Variants in CADM4 observed in about 807,000 individuals in gnomAD.
CADM4 encodes cell adhesion molecule 4.
In CADM4, 13 loss-of-function variants were observed where a neutral mutation model predicts 43.9. The observed-to-expected ratio is 0.30, with a 90% CI of 0.19 to 0.47. The LOEUF is 0.47. Among genes scored for constraint, CADM4 ranks in the 20% least tolerant of loss-of-function variants. The probability of loss-of-function intolerance (pLI) is 1.00; values close to 1 mark genes in which losing one functional copy is unlikely to be tolerated. For missense variants in CADM4, 420 were observed against 527.0 expected (o/e 0.80, Z 1.99); for synonymous variants, 209 against 220.9 (o/e 0.95, Z 0.48).
At position 43,627,082 on chromosome 19, in the gene CADM4, A is replaced by C. The variant is rs1404385948; in HGVS notation, c.364+84T>G. The C allele has an allele frequency of 6.7e-7, 1 of 1,499,358 alleles. No individual in the cohort carries two copies. Among genetic ancestry groups the C allele is most frequent in the Non-Finnish European group, 8.9e-7 (1 of 1,117,596 alleles). 92.9% of individuals were successfully genotyped at this position (1,499,358 alleles called of 1,614,324 possible). A position where few individuals can be genotyped will look rare whatever the true frequency, so the allele number is the denominator to read the frequency against. ...GATGCCCATCCAGGATGTTAAAAATAGCCATGGTCTGAAAGTCTCAGGAGA... is the reference window on the plus strand; with the variant it reads ...GATGCCCATCCAGGATGTTAAAAATCGCCATGGTCTGAAAGTCTCAGGAGA... On this transcript the variant is annotated intron_variant, in intron 3 of 8. Transcript: ENST00000222374. This position sits in a 1 kb window ranked among gnomAD's most constrained non-coding sequence, Gnocchi z 4.0.
At chr19:43,632,481 T>C (rs929403489) in intron 1 of CADM4, among the ~76,000 whole-genome samples, 3 of 152,142 alleles carry the variant, frequency 2.0e-5, no homozygotes, top group African/African-American at 7.2e-5. Context: ...GCCCGTAACA[T>C]GTAGAATAAA....
chr19:43,631,041 G>T (rs4802188), intron 1 of CADM4, among the ~76,000 whole-genome samples: 3 of 151,962 alleles, frequency 2.0e-5, no homozygotes, highest in South Asian at 2.1e-4. Flanking sequence ...AACCAATCAC[G>T]GTAATCAAAA....
chr19:43,629,210 A>G (rs976965096), intron 1 of CADM4, among the ~76,000 whole-genome samples: 2 of 152,180 alleles, frequency 1.3e-5, no homozygotes, highest in Non-Finnish European at 2.9e-5. Context: ...GAGGACTCCA[A>G]GGAGCCTAGA....
Position 43,627,436 on chromosome 19 carries a change from G to C in CADM4, c.212-118C>G, listed in dbSNP as rs1034540283. On this transcript the variant is annotated intron_variant, in intron 2 of 8. Transcript: ENST00000222374. This position sits in a 1 kb window ranked among gnomAD's most constrained non-coding sequence, Gnocchi z 4.0. Reference sequence around the variant, plus strand: ...CTCTTTTCTCCAGCCATATCTATGAGTCTGAGGTGTCCAACTATTTACTCC... The same window carrying C: ...CTCTTTTCTCCAGCCATATCTATGACTCTGAGGTGTCCAACTATTTACTCC... 30 of 1,302,850 alleles carry C rather than the reference G, an allele frequency of 2.3e-5. No homozygotes were observed. The African/African-American group carries it at 4.2e-4, about 18-fold the overall frequency. The allele number at this position is 1,302,850 out of a possible 1,614,324, so 80.7% of individuals were successfully genotyped here. A position where few individuals can be genotyped will look rare whatever the true frequency, so the allele number is the denominator to read the frequency against.
chr19:43,629,545 T>C (rs1300750949), intron 1 of CADM4, among the ~76,000 whole-genome samples: 1 of 152,200 alleles, frequency 6.6e-6, no homozygotes, highest in Non-Finnish European at 1.5e-5. Flanking sequence ...TGTTAGTCCC[T>C]GTGCTAAGGG....
chr19:43,637,610 C>T (rs1973720305), intron 1 of CADM4, among the ~76,000 whole-genome samples: 1 of 152,136 alleles, frequency 6.6e-6, no homozygotes, highest in Non-Finnish European at 1.5e-5. Context: ...GTTAGGGTGC[C>T]AGGAAGCAGT....
rs1600093926 is a variant in CADM4 at position 43,624,027 on chromosome 19, G to A, written c.1057+87C>T. Reference sequence around the variant, plus strand: ...ATTTGGAATCCAGAGCCTAGGCTCCGCCCTCTCGTTACCCTGGCTCTAGGC... The same window carrying A: ...ATTTGGAATCCAGAGCCTAGGCTCCACCCTCTCGTTACCCTGGCTCTAGGC... On this transcript the variant is annotated intron_variant, in intron 8 of 8. Transcript: ENST00000222374. The A allele has an allele frequency of 2.5e-5, 38 of 1,525,932 alleles. No individual in the cohort carries two copies. The East Asian group carries it at 7.5e-4, about 30-fold the overall frequency. 94.5% of individuals were successfully genotyped at this position (1,525,932 alleles called of 1,614,324 possible).
chr19:43,624,258 G>C lies in CADM4; in HGVS notation c.929-16C>G. The C allele has an allele frequency of 6.2e-7, 1 of 1,614,116 alleles. No individual in the cohort carries two copies. The highest frequency in any genetic ancestry group is 1.1e-5 in the South Asian group (1 of 91,084). ...GCACCAGGGTCTGCCAGAGGGACAC[G>C]GCACAGGACCAGGTCATCAGAGGAC... On this transcript the variant is annotated splice_polypyrimidine_tract_variant and intron_variant, in intron 7 of 8. Coordinates refer to ENST00000222374, the MANE Select transcript of CADM4 (RefSeq NM_145296.2).
chr19:43,624,817 A>C, intron 7 of CADM4: 1 of 506,374 alleles, frequency 2.0e-6, no homozygotes. Flanking sequence ...AGTTCACATA[A>C]TCTTCACAAC....
Position 43,625,910 on chromosome 19 carries a change from C to T in CADM4, c.755+1G>A. On this transcript the variant is annotated splice_donor_variant, in intron 6 of 8. Coordinates refer to ENST00000222374, the MANE Select transcript of CADM4 (RefSeq NM_145296.2). LOFTEE classifies it high-confidence loss of function. This position sits in a 1 kb window ranked among gnomAD's most constrained non-coding sequence, Gnocchi z 4.5. ...GGACGCAGGAGGCCCCCAGAGCTCACCTGGGGTTCCCCGTGACAGCACACG... is the reference window on the plus strand; with the variant it reads ...GGACGCAGGAGGCCCCCAGAGCTCATCTGGGGTTCCCCGTGACAGCACACG... 6.2e-7 allele frequency: 1 copy of T among 1,613,700 alleles called. No individual in the cohort carries two copies. Among genetic ancestry groups the T allele is most frequent in the Non-Finnish European group, 8.5e-7 (1 of 1,179,626 alleles).
chr19:43,641,941 G>A (rs966979275), upstream of CADM4, among the ~76,000 whole-genome samples: 1 of 152,154 alleles, frequency 6.6e-6, no homozygotes, highest in African/African-American at 2.4e-5. Context: ...GGAACCTTGG[G>A]AGATGTTGGT....
chr19:43,641,100 C>T (rs1247630926), upstream of CADM4, among the ~76,000 whole-genome samples: 1 of 152,024 alleles, frequency 6.6e-6, no homozygotes, highest in Non-Finnish European at 1.5e-5. Context: ...TCCCGAGTAG[C>T]TGAGATTACA....
In CADM4 at chr19:43,635,324, C is replaced by T. The variant is rs538495709; in HGVS notation, c.64+4403G>A. Among the ~76,000 whole-genome samples the T allele has an allele frequency of 1.1e-4, 16 of 152,064 alleles. 1 individual carries two copies. The South Asian group carries it at 3.3e-3, about 32-fold the overall frequency. ...CCCTGCGTCCTGACTGAACCCCCCT[C>T]AGCCCCCCATCAATGGCGGAGTCCG... On this transcript the variant is annotated intron_variant, in intron 1 of 8. Coordinates refer to ENST00000222374, the MANE Select transcript of CADM4 (RefSeq NM_145296.2).
rs778813168 is a variant in CADM4, at chr19:43,626,786, T to C, written c.497A>G (p.Lys166Arg). 1 of 1,589,718 alleles carries C rather than the reference T, an allele frequency of 6.3e-7. No individual in the cohort carries two copies. The highest frequency in any genetic ancestry group is 8.6e-7 in the Non-Finnish European group (1 of 1,165,578). ...TGTCAGCACTCGGCCCAGGGTACCT[T>C]TCAGCTCCTTGCGGTCCCGGTACCA... ...LRWYRDRKEL[K>R]GVSSSQENGK... Residue 166 changes from lysine (K) to arginine (R), a missense_variant and splice_region_variant, in exon 4 of 9, where the codon AAA becomes AGA. Physicochemically the swap from Lys to Arg is conservative, Grantham distance 26 (BLOSUM62 2). Transcript: ENST00000222374. The surrounding 1 kb of genome is among the most constrained non-coding windows in gnomAD (Gnocchi z 5.9).
intron 1 of CADM4, among the ~76,000 whole-genome samples, chr19:43,632,672 C>T (rs1196316480): frequency 6.6e-6 from 1 of 152,120 alleles, no homozygotes; most frequent in Non-Finnish European, 1.5e-5. Flanking sequence ...TCCCAAGCCC[C>T]ATCTTCCCAG....
At chr19:43,639,271 T>G (rs772722878) in intron 1 of CADM4, among the ~76,000 whole-genome samples, 1 of 145,374 alleles carries the variant, frequency 6.9e-6, no homozygotes, top group African/African-American at 2.6e-5. Context: ...AAAGACAGAA[T>G]AGATGAGGAA....
At position 43,622,871 on chromosome 19, in the gene CADM4, G is replaced by C. The variant is rs1040460126; in HGVS notation, c.*459C>G. On this transcript the variant is annotated 3_prime_UTR_variant, in exon 9 of 9. Transcript: ENST00000222374. ...CCCATCCCCCCACCGTGCAAACATGGCTTTGCAAAGAAGTGCCCAGAGCTC... is the reference window on the plus strand; with the variant it reads ...CCCATCCCCCCACCGTGCAAACATGCCTTTGCAAAGAAGTGCCCAGAGCTC... The C allele has an allele frequency of 7.5e-6, 1 of 133,620 alleles. No homozygotes were observed. The highest frequency in any genetic ancestry group is 1.5e-5 in the Non-Finnish European group (1 of 65,344). The allele number at this position is 133,620 out of a possible 1,614,324, so 8.3% of individuals were successfully genotyped here.
chr19:43,623,285 G>A lies in CADM4; in HGVS notation c.*45C>T, dbSNP rs776259720. On this transcript the variant is annotated 3_prime_UTR_variant, in exon 9 of 9. Transcript: ENST00000222374. This position sits in a 1 kb window ranked among gnomAD's most constrained non-coding sequence, Gnocchi z 4.4. ...GGTTCCTTGCAGCTGGCAGTGGGGGGGACCCCAGCCCAGGCCCAGGCCTAG... is the reference window on the plus strand; with the variant it reads ...GGTTCCTTGCAGCTGGCAGTGGGGGAGACCCCAGCCCAGGCCCAGGCCTAG... 4.8e-6 allele frequency: 7 copies of A among 1,452,800 alleles called. No homozygotes were observed. Among genetic ancestry groups the A allele is most frequent in the South Asian group, 1.1e-5 (1 of 88,006 alleles). 90.0% of individuals were successfully genotyped at this position (1,452,800 alleles called of 1,614,324 possible).
Position 43,624,184 on chromosome 19 carries a change from G to T in CADM4, c.987C>A (p.Ile329=). The change falls in exon 8 of 9, where the codon ATC becomes ATA. Residue 329 remains isoleucine, a synonymous_variant. Coordinates refer to ENST00000222374, the MANE Select transcript of CADM4 (RefSeq NM_145296.2). ...TSVPYAIVGG[I]LALLVFLIIC... ...TGATCAGAAACACCAGCAGCGCCAG[G>T]ATGCCGCCCACAATGGCATAGGGAA... The T allele has an allele frequency of 2.5e-6, 4 of 1,614,176 alleles. No individual in the cohort carries two copies. Among genetic ancestry groups the T allele is most frequent in the Non-Finnish European group, 3.4e-6 (4 of 1,180,044 alleles).
Sources: allele counts gnomAD v4.1 joint callset (sites outside exome capture counted in the v4.1 genomes callset), GRCh38; gene constraint gnomAD v4.1.1; non-coding constraint Gnocchi (gnomAD v3.1); transcripts MANE v1.5; gene names NCBI Gene and HGNC (gene_info 2026-07-23, HGNC 2026-07-21).